The following SLC39A11 variants were observed in gnomAD, a reference collection of about 807,000 sequenced individuals.
The protein encoded by SLC39A11 is zinc transporter ZIP11.
Under a neutral mutation model 36.1 loss-of-function variants are expected in SLC39A11, and 33 were observed. That is an observed-to-expected ratio of 0.91 (90% CI 0.69 to 1.22). The LOEUF (loss-of-function observed/expected upper bound fraction) is 1.22. Among genes scored for constraint, SLC39A11 ranks in the 50% most tolerant of loss-of-function variants. SLC39A11 has a pLI of 0.00. For missense variants in SLC39A11, 432 were observed against 430.3 expected (o/e 1.00, Z -0.03); for synonymous variants, 166 against 170.3 (o/e 0.97, Z 0.20).
intron 7 of SLC39A11, among the ~76,000 whole-genome samples, chr17:72,722,638 T>G (rs891202100): frequency 6.6e-6 from 1 of 152,024 alleles, no homozygotes; most frequent in Non-Finnish European, 1.5e-5. Flanking sequence ...AATAACACTT[T>G]TTTTTTTCTT....
intron 4 of SLC39A11, among the ~76,000 whole-genome samples, chr17:73,015,872 G>A (rs776932137): frequency 5.3e-5 from 8 of 152,140 alleles, no homozygotes; most frequent in Middle Eastern, 6.8e-3. Context: ...GTGAGCCACC[G>A]TGCCCAGCCA....
At chr17:72,682,527 C>G (rs530865676) in intron 7 of SLC39A11, among the ~76,000 whole-genome samples, 2 of 152,154 alleles carry the variant, frequency 1.3e-5, no homozygotes, top group African/African-American at 4.8e-5. Flanking sequence ...GGGAGGGGGC[C>G]GGTGCCCCCA....
chr17:73,020,172 T>A (rs565119944), intron 4 of SLC39A11, among the ~76,000 whole-genome samples: 94 of 152,368 alleles, frequency 6.2e-4, no homozygotes, highest in Middle Eastern at 6.8e-3. Context: ...TATCAGGTGT[T>A]ACAAACAGAA....
intron 6 of SLC39A11, among the ~76,000 whole-genome samples, chr17:72,779,392 T>C (rs1438697168): frequency 6.6e-6 from 1 of 151,982 alleles, no homozygotes; most frequent in African/African-American, 2.4e-5. Context: ...ACCATTGCAC[T>C]GCAGCCCGGG....
intron 7 of SLC39A11, among the ~76,000 whole-genome samples, chr17:72,698,485 T>G (rs564641746): frequency 3.3e-4 from 48 of 146,072 alleles, no homozygotes; most frequent in Non-Finnish European, 5.7e-4. Flanking sequence ...AAAAAGGCAG[T>G]TGGGTCTGAA....
At chr17:72,961,602 G>C (rs1006195706) in intron 4 of SLC39A11, among the ~76,000 whole-genome samples, 1 of 152,080 alleles carries the variant, frequency 6.6e-6, no homozygotes, top group Non-Finnish European at 1.5e-5. Context: ...CATGGATGAA[G>C]CTGGAAACCA....
chr17:73,082,470 A>T (rs1226069073), intron 3 of SLC39A11, among the ~76,000 whole-genome samples: 2 of 151,804 alleles, frequency 1.3e-5, no homozygotes, highest in Non-Finnish European at 2.9e-5. Context: ...TTTTTATTTG[A>T]TTTTTTTCTT....
chr17:72,863,529 C>T (rs555845202), intron 5 of SLC39A11, among the ~76,000 whole-genome samples: 1 of 152,332 alleles, frequency 6.6e-6, no homozygotes, highest in Admixed American at 6.5e-5. Context: ...CAATATCCCA[C>T]CCAGACACAG....
In SLC39A11 at chr17:72,754,051, TACACACACACAC is replaced by T. The variant is rs58802713; in HGVS notation, c.602-17344_602-17333del. On this transcript the variant is annotated intron_variant, in intron 6 of 9. Transcript: ENST00000255559. ...ATATATATATATATATATATACACA[TACACACACACAC>T]ACACACACACACACACACACACACA... Among the ~76,000 whole-genome samples, 648 of 108,036 alleles carry T rather than the reference TACACACACACAC, an allele frequency of 6.0e-3. 3 individuals are homozygous for T. The highest frequency in any genetic ancestry group is 0.01 in the Admixed American group (100 of 9,734). 70.9% of individuals were successfully genotyped at this position (108,036 alleles called of 152,430 possible).
At chr17:72,902,855 G>A (rs1254995317) in intron 5 of SLC39A11, among the ~76,000 whole-genome samples, 1 of 152,062 alleles carries the variant, frequency 6.6e-6, no homozygotes, top group Non-Finnish European at 1.5e-5. Context: ...CACCATTACA[G>A]AACTATTATA....
intron 7 of SLC39A11, among the ~76,000 whole-genome samples, chr17:72,688,147 C>T (rs1257049010): frequency 6.6e-6 from 1 of 152,216 alleles, no homozygotes; most frequent in Non-Finnish European, 1.5e-5. Context: ...TGCCACAGAG[C>T]TATCCTGGGC....
At position 72,781,329 on chromosome 17, in the gene SLC39A11, A is replaced by G. The variant is rs2076309953; in HGVS notation, c.602-44610T>C. Among the ~76,000 whole-genome samples, 3 of 151,908 alleles carry G rather than the reference A, an allele frequency of 2.0e-5. No homozygotes were observed. In the South Asian group the frequency reaches 6.2e-4, roughly 32 times the overall value. ...TCCCAGAACTTTCAGGAGAGAATTT[A>G]TTTTACTGAAACCTGTCCTTCACTT... On this transcript the variant is annotated intron_variant, in intron 6 of 9. Coordinates refer to ENST00000255559, the MANE Select transcript of SLC39A11 (RefSeq NM_139177.4).
At chr17:73,001,387 G>T (rs1200790066) in intron 4 of SLC39A11, among the ~76,000 whole-genome samples, 2 of 131,228 alleles carry the variant, frequency 1.5e-5, no homozygotes, top group Non-Finnish European at 3.1e-5. Context: ...CACAGGAAGG[G>T]GAACATCACA....
chr17:72,760,661 T>C (rs879690231), intron 6 of SLC39A11, among the ~76,000 whole-genome samples: 10 of 152,200 alleles, frequency 6.6e-5, no homozygotes, highest in Non-Finnish European at 1.2e-4. Flanking sequence ...TCAACGGGGT[T>C]GACATGGTAA....
intron 5 of SLC39A11, among the ~76,000 whole-genome samples, chr17:72,906,347 T>C (rs1334115260): frequency 2.6e-5 from 4 of 152,222 alleles, no homozygotes; most frequent in Admixed American, 6.5e-5. Flanking sequence ...ATAGTCAGGA[T>C]TGAGAGACGT....
At chr17:72,811,820 T>G (rs2077443128) in intron 6 of SLC39A11, among the ~76,000 whole-genome samples, 1 of 152,224 alleles carries the variant, frequency 6.6e-6, no homozygotes, top group South Asian at 2.1e-4. Flanking sequence ...CTCCTACTAC[T>G]GACCAGATGA....
chr17:72,890,211 G>A (rs955980990), intron 5 of SLC39A11, among the ~76,000 whole-genome samples: 2 of 151,694 alleles, frequency 1.3e-5, no homozygotes, highest in Admixed American at 6.6e-5. Flanking sequence ...GTTACAGTGA[G>A]CCGAGATAGC....
At chr17:72,968,564 G>T (rs1217412195) in intron 4 of SLC39A11, among the ~76,000 whole-genome samples, 1 of 152,180 alleles carries the variant, frequency 6.6e-6, no homozygotes, top group Non-Finnish European at 1.5e-5. Context: ...TGCAGGTGGT[G>T]GACTAAGCAG....
chr17:72,908,943 C>A (rs1434571166), intron 5 of SLC39A11, among the ~76,000 whole-genome samples: 1 of 152,214 alleles, frequency 6.6e-6, no homozygotes, highest in Non-Finnish European at 1.5e-5. Context: ...GCCTGGTCAT[C>A]TCACAGGATA....
Sources: gnomAD v4.1 joint callset for allele counts (sites outside exome capture counted in the v4.1 genomes callset) on GRCh38, gnomAD v4.1.1 for gene constraint, MANE v1.5 for transcripts, NCBI Gene and HGNC (gene_info 2026-07-23, HGNC 2026-07-21) for gene names.